Variants in SEMA3A observed in about 807,000 individuals in gnomAD.
The protein encoded by SEMA3A is semaphorin 3A.
SEMA3A carries 29 observed loss-of-function variants against 97.9 expected under a neutral mutation model. The ratio of observed to expected loss-of-function variants is 0.30; its 90% CI spans 0.22 to 0.40. The LOEUF (loss-of-function observed/expected upper bound fraction) is 0.40. Among genes scored for constraint, SEMA3A ranks in the 10% least tolerant of loss-of-function variants. The pLI is 1.00. For missense variants in SEMA3A, 763 were observed against 951.3 expected (o/e 0.80, Z 2.60); for synonymous variants, 321 against 323.7 (o/e 0.99, Z 0.09).
At chr7:84,416,644 A>G (rs1465570420) in intron 1 of SEMA3A, among the ~76,000 whole-genome samples, 2 of 152,150 alleles carry the variant, frequency 1.3e-5, no homozygotes, top group Non-Finnish European at 2.9e-5. Context: ...GAAGTTGAAA[A>G]AACTCTTTCA....
intron 1 of SEMA3A, among the ~76,000 whole-genome samples, chr7:84,182,012 A>T (rs1369476922): frequency 6.6e-6 from 1 of 152,120 alleles, no homozygotes; most frequent in Non-Finnish European, 1.5e-5. Flanking sequence ...TTTTCTAATG[A>T]CGTCTAGATT....
intron 1 of SEMA3A, among the ~76,000 whole-genome samples, chr7:84,421,099 T>TAAGA: frequency 6.6e-6 from 1 of 151,954 alleles, no homozygotes; most frequent in Non-Finnish European, 1.5e-5. Flanking sequence ...TTTTAGATCT[T>TAAGA]TCTAAAACCG....
intron 1 of SEMA3A, among the ~76,000 whole-genome samples, chr7:84,424,579 T>TATA (rs1383013811): frequency 1.4e-4 from 10 of 72,852 alleles, no homozygotes; most frequent in African/African-American, 8.3e-4. Context: ...AATATTAATA[T>TATA]ATATTATATA....
In SEMA3A at chr7:83,960,396, T is replaced by C. The variant is rs1788421697; in HGVS notation, c.*975A>G. 6.6e-6 allele frequency: 1 copy of C among 152,080 alleles called. No individual in the cohort carries two copies. The highest frequency in any genetic ancestry group is 1.9e-4 in the East Asian group (1 of 5,194). The allele number at this position is 152,080 out of a possible 1,614,324, so 9.4% of individuals were successfully genotyped here. A position where few individuals can be genotyped will look rare whatever the true frequency, so the allele number is the denominator to read the frequency against. On this transcript the variant is annotated 3_prime_UTR_variant, in exon 17 of 17. Transcript: ENST00000265362. Reference sequence around the variant, plus strand: ...CCTGCTTAAATGTTCTGTTTTTTTTTCTAAGAACATTATGCAAGTAAAAAT... The same window carrying C: ...CCTGCTTAAATGTTCTGTTTTTTTTCCTAAGAACATTATGCAAGTAAAAAT...
At chr7:84,062,668 T>G (rs530477196) in intron 4 of SEMA3A, among the ~76,000 whole-genome samples, 9 of 152,196 alleles carry the variant, frequency 5.9e-5, no homozygotes, top group Non-Finnish European at 1.2e-4. Flanking sequence ...AGACGGCACC[T>G]GGAAAATCCG....
intron 2 of SEMA3A, among the ~76,000 whole-genome samples, chr7:84,133,112 C>A (rs6977099): frequency 0.8 from 122,359 of 152,174 alleles, 49,235 homozygotes; most frequent in East Asian, 0.93. Context: ...CAGTATTTTT[C>A]GATAATAGAT....
At position 84,092,375 on chromosome 7, in the gene SEMA3A, C is replaced by T. The variant is rs75170365; in HGVS notation, c.453+18095G>A. Among the ~76,000 whole-genome samples the T allele has an allele frequency of 3.9e-3, 596 of 152,216 alleles. 3 individuals carry two copies. The highest frequency in any genetic ancestry group is 0.014 in the African/African-American group (569 of 41,540). ...GTACATACGAATGCCTTTGTTTCTA[C>T]TTGTCTCCTTTGCACTCTCACTTTA... is the stretch of plus-strand genomic sequence containing the variant. On this transcript the variant is annotated intron_variant, in intron 4 of 16. Coordinates refer to ENST00000265362, the MANE Select transcript of SEMA3A (RefSeq NM_006080.3).
At chr7:84,430,516 A>G (rs896825103) in intron 1 of SEMA3A, among the ~76,000 whole-genome samples, 12 of 152,066 alleles carry the variant, frequency 7.9e-5, no homozygotes, top group Admixed American at 3.3e-4. Context: ...TTGCAAACTC[A>G]TAAGTATCTA....
At chr7:84,469,338 T>C (rs1584347016) in intron 1 of SEMA3A, among the ~76,000 whole-genome samples, 1 of 152,294 alleles carries the variant, frequency 6.6e-6, no homozygotes, top group African/African-American at 2.4e-5. Context: ...CATCCAGATA[T>C]AGTTTCCATA....
intron 3 of SEMA3A, among the ~76,000 whole-genome samples, chr7:84,224,289 G>T (rs760570767): frequency 2.6e-5 from 4 of 151,900 alleles, no homozygotes; most frequent in Non-Finnish European, 5.9e-5. Flanking sequence ...TAACTCAAAA[G>T]ATATTGGCTT....
chr7:84,424,628 T>TGTAA (rs1554383777), intron 1 of SEMA3A, among the ~76,000 whole-genome samples: 1 of 45,564 alleles, frequency 2.2e-5, no homozygotes, highest in Non-Finnish European at 3.2e-5. Flanking sequence ...ATATATAATA[T>TGTAA]ATATACAATA....
At chr7:84,358,351 ATATGGC>A (rs1802624705) in intron 2 of SEMA3A, among the ~76,000 whole-genome samples, 1 of 152,166 alleles carries the variant, frequency 6.6e-6, no homozygotes, top group African/African-American at 2.4e-5. Flanking sequence ...AGCTTTCTAC[ATATGGC>A]TAGCCAGTTT....
At chr7:84,353,139 T>C (rs1327890722) in intron 2 of SEMA3A, among the ~76,000 whole-genome samples, 1 of 151,766 alleles carries the variant, frequency 6.6e-6, no homozygotes, top group African/African-American at 2.4e-5. Flanking sequence ...AAATGTTATG[T>C]AAATAGTTTT....
intron 1 of SEMA3A, among the ~76,000 whole-genome samples, chr7:84,176,311 A>G (rs1797563490): frequency 6.6e-6 from 1 of 152,190 alleles, no homozygotes; most frequent in African/African-American, 2.4e-5. Context: ...AGCAAGTCAA[A>G]AAATTAGTAT....
At chr7:84,222,895 C>T (rs779413037) in intron 3 of SEMA3A, among the ~76,000 whole-genome samples, 48 of 151,802 alleles carry the variant, frequency 3.2e-4, no homozygotes, top group Non-Finnish European at 4.9e-4. Flanking sequence ...CATTCAGGAT[C>T]CAAAGATGTA....
chr7:84,228,742 G>A (rs1473465256), intron 3 of SEMA3A, among the ~76,000 whole-genome samples: 1 of 152,040 alleles, frequency 6.6e-6, no homozygotes, highest in Admixed American at 6.6e-5. Flanking sequence ...TCATTTGCCG[G>A]GATTCCTCCC....
chr7:84,491,378 A>G (rs1382344512), intron 1 of SEMA3A, among the ~76,000 whole-genome samples: 2 of 152,166 alleles, frequency 1.3e-5, no homozygotes, highest in Non-Finnish European at 2.9e-5. Context: ...TTACTAGATA[A>G]GAAATGCAGA....
chr7:84,142,607 C>T (rs1796325540), intron 1 of SEMA3A, among the ~76,000 whole-genome samples: 1 of 151,902 alleles, frequency 6.6e-6, no homozygotes, highest in African/African-American at 2.4e-5. Flanking sequence ...AGTTTGTTAC[C>T]TCTCACTCTC....
intron 1 of SEMA3A, among the ~76,000 whole-genome samples, chr7:84,420,550 A>T (rs372338925): frequency 2.0e-5 from 3 of 151,968 alleles, no homozygotes; most frequent in African/African-American, 7.3e-5. Context: ...GACCTGTGGG[A>T]TGAAAAAATA....
Sources: allele counts gnomAD v4.1 joint callset (sites outside exome capture counted in the v4.1 genomes callset), GRCh38; gene constraint gnomAD v4.1.1; transcripts MANE v1.5; gene names NCBI Gene and HGNC (gene_info 2026-07-23, HGNC 2026-07-21).